The following DNAJC3 variants were observed in gnomAD, a reference collection of about 807,000 sequenced individuals.
DNAJC3 encodes the protein dnaJ homolog subfamily C member 3.
A neutral mutation model predicts 68.6 loss-of-function variants in DNAJC3; 38 were observed. The observed-to-expected ratio is 0.55, with a 90% CI of 0.43 to 0.73. The LOEUF is 0.73. Among genes scored for constraint, DNAJC3 ranks in the 30% least tolerant of loss-of-function variants. The pLI, the probability that DNAJC3 is intolerant of heterozygous loss-of-function variation, is 0.00. For missense variants in DNAJC3, 526 were observed against 591.9 expected (o/e 0.89, Z 1.16); for synonymous variants, 203 against 204.0 (o/e 1.00, Z 0.04).
chr13:95,705,011 C>T (rs1440593588), intron 1 of DNAJC3, among the ~76,000 whole-genome samples: 1 of 152,004 alleles, frequency 6.6e-6, no homozygotes, highest in Admixed American at 6.5e-5. Context: ...ACCACCACAT[C>T]CAGCTAATCT....
intron 2 of DNAJC3, among the ~76,000 whole-genome samples, chr13:95,720,399 A>G (rs1306093913): frequency 6.6e-6 from 1 of 152,216 alleles, no homozygotes; most frequent in Non-Finnish European, 1.5e-5. Flanking sequence ...ATTTTGGAAT[A>G]CATGGACTAC....
intron 9 of DNAJC3, among the ~76,000 whole-genome samples, chr13:95,767,691 G>GT (rs796243780): frequency 0.012 from 1,619 of 135,730 alleles, 26 homozygotes; most frequent in East Asian, 0.046. Context: ...AGTTTTTTGG[G>GT]TTTTTTTTTT....
intron 4 of DNAJC3, among the ~76,000 whole-genome samples, chr13:95,756,599 C>T (rs1027530273): frequency 6.6e-6 from 1 of 152,022 alleles, no homozygotes; most frequent in Non-Finnish European, 1.5e-5. Context: ...AAAATTAATC[C>T]ACTGAAAGGA....
chr13:95,725,881 G>A (rs1881498510), intron 4 of DNAJC3, among the ~76,000 whole-genome samples: 1 of 135,932 alleles, frequency 7.4e-6, no homozygotes, highest in Non-Finnish European at 1.5e-5. Context: ...GTGTCCACGT[G>A]TTCTCATTGT....
chr13:95,709,770 G>T (rs1023493479), intron 2 of DNAJC3, among the ~76,000 whole-genome samples: 2 of 151,710 alleles, frequency 1.3e-5, no homozygotes, highest in African/African-American at 4.8e-5. Flanking sequence ...CTCCCGAGTA[G>T]CTGGGACTAC....
chr13:95,712,877 C>T (rs1304141103), intron 2 of DNAJC3, among the ~76,000 whole-genome samples: 1 of 152,086 alleles, frequency 6.6e-6, no homozygotes, highest in Non-Finnish European at 1.5e-5. Context: ...TACAGTTTTA[C>T]TTATTTTTGT....
At position 95,791,134 on chromosome 13, in the gene DNAJC3, C is replaced by G. The variant is rs1015248477; in HGVS notation, c.*104C>G. 72 of 1,359,428 alleles carry G rather than the reference C, an allele frequency of 5.3e-5. No homozygotes were observed. The highest frequency in any genetic ancestry group is 6.7e-5 in the Non-Finnish European group (66 of 984,848). The allele number at this position is 1,359,428 out of a possible 1,614,324, so 84.2% of individuals were successfully genotyped here. Reference sequence around the variant, plus strand: ...AAAATTTCAAATCTTTTCAGTTTGTCCATGACCAAAGAGTTGCTTTAATAG... The same window carrying G: ...AAAATTTCAAATCTTTTCAGTTTGTGCATGACCAAAGAGTTGCTTTAATAG... On this transcript the variant is annotated 3_prime_UTR_variant, in exon 12 of 12. Coordinates refer to ENST00000602402, the MANE Select transcript of DNAJC3 (RefSeq NM_006260.5).
intron 4 of DNAJC3, among the ~76,000 whole-genome samples, chr13:95,747,417 A>C (rs1882338138): frequency 6.6e-6 from 1 of 152,150 alleles, no homozygotes; most frequent in Non-Finnish European, 1.5e-5. Flanking sequence ...CGTGTAAGCA[A>C]GGTGGGTAGG....
At chr13:95,714,076 G>A (rs1881060251) in intron 2 of DNAJC3, among the ~76,000 whole-genome samples, 1 of 152,178 alleles carries the variant, frequency 6.6e-6, no homozygotes, top group Non-Finnish European at 1.5e-5. Context: ...ATATGGCTTT[G>A]TGGATTACCT....
chr13:95,687,675 A>T (rs1880105789), intron 1 of DNAJC3, among the ~76,000 whole-genome samples: 1 of 152,234 alleles, frequency 6.6e-6, no homozygotes, highest in Admixed American at 6.5e-5. Context: ...TGGTTACTGT[A>T]GCCTTATAGT....
intron 4 of DNAJC3, among the ~76,000 whole-genome samples, chr13:95,746,065 G>C (rs1273489642): frequency 6.6e-6 from 1 of 152,198 alleles, no homozygotes; most frequent in African/African-American, 2.4e-5. Context: ...TACACCAGTA[G>C]TTGGCAAGTA....
intron 1 of DNAJC3, among the ~76,000 whole-genome samples, chr13:95,696,320 C>T (rs569200707): frequency 1.8e-4 from 27 of 152,178 alleles, no homozygotes; most frequent in Non-Finnish European, 3.7e-4. Flanking sequence ...TTACTCTCCT[C>T]GCTCTGGGCC....
chr13:95,702,888 T>C (rs1880621687), intron 1 of DNAJC3, among the ~76,000 whole-genome samples: 1 of 152,226 alleles, frequency 6.6e-6, no homozygotes, highest in South Asian at 2.1e-4. Context: ...CATCACTGGC[T>C]ACATAAATTA....
chr13:95,735,787 T>C (rs1252311377), intron 4 of DNAJC3, among the ~76,000 whole-genome samples: 5 of 152,184 alleles, frequency 3.3e-5, no homozygotes, highest in Admixed American at 3.3e-4. Context: ...TTCACTCTGA[T>C]GATAGTTTCT....
intron 2 of DNAJC3, among the ~76,000 whole-genome samples, chr13:95,713,383 A>G (rs574546682): frequency 1.9e-4 from 29 of 152,354 alleles, no homozygotes; most frequent in African/African-American, 6.3e-4. Context: ...GTCTCTCTAT[A>G]TTAGCAATAA....
chr13:95,706,369 A>C (rs1880747726), intron 1 of DNAJC3, among the ~76,000 whole-genome samples: 1 of 152,230 alleles, frequency 6.6e-6, no homozygotes, highest in Non-Finnish European at 1.5e-5. Context: ...CATATAAATG[A>C]ATTAGAGCCA....
intron 1 of DNAJC3, among the ~76,000 whole-genome samples, chr13:95,678,187 C>T (rs537868935): frequency 1.5e-4 from 23 of 152,272 alleles, no homozygotes; most frequent in African/African-American, 5.3e-4. Context: ...GCTTCTGGCG[C>T]GGTTACTGTG....
chr13:95,771,879 G>A (rs1203864215), intron 9 of DNAJC3, among the ~76,000 whole-genome samples: 1 of 149,378 alleles, frequency 6.7e-6, no homozygotes, highest in South Asian at 2.1e-4. Flanking sequence ...ATACAGCCAT[G>A]TATAGTATGT....
In DNAJC3 at chr13:95,787,216, A is replaced by T. The variant is rs17885953; in HGVS notation, c.1357+61A>T. The T allele has an allele frequency of 2.8e-3, 4,338 of 1,567,340 alleles. 109 individuals carry two copies. In the African/African-American group the frequency reaches 0.053, roughly 19 times the overall value. On this transcript the variant is annotated intron_variant, in intron 11 of 11. Transcript: ENST00000602402. Reference sequence around the variant, plus strand: ...AGGTGGTGTTAGAAGCGAGGGTGGAACATGTGGTGGGTTCTCCACGTGGGG... The same window carrying T: ...AGGTGGTGTTAGAAGCGAGGGTGGATCATGTGGTGGGTTCTCCACGTGGGG...
Sources: gnomAD v4.1 joint callset for allele counts (sites outside exome capture counted in the v4.1 genomes callset) on GRCh38, gnomAD v4.1.1 for gene constraint, MANE v1.5 for transcripts, NCBI Gene and HGNC (gene_info 2026-07-23, HGNC 2026-07-21) for gene names.